ATXN1: variants seen among roughly 807,000 people sequenced by gnomAD.
The protein encoded by ATXN1 is ataxin-1.
ATXN1 carries 8 observed loss-of-function variants against 56.4 expected under a neutral mutation model. That is an observed-to-expected ratio of 0.14 (90% CI 0.08 to 0.26). The LOEUF is 0.26. Ranked by LOEUF, ATXN1 falls within the 10% of genes least tolerant of loss-of-function variation. The pLI is 1.00. For synonymous variants in ATXN1, 514 were observed against 494.6 expected (o/e 1.04, Z -0.52); for missense variants, 987 against 1,106.5 (o/e 0.89, Z 1.53).
intron 2 of ATXN1, among the ~76,000 whole-genome samples, chr6:16,745,483 TAA>T (rs768606645): frequency 5.2e-4 from 79 of 152,144 alleles, no homozygotes; most frequent in Admixed American, 3.7e-3. Flanking sequence ...AAAAAAGATA[TAA>T]GTTACATCAT....
chr6:16,523,537 C>T (rs1490736627), intron 4 of ATXN1, among the ~76,000 whole-genome samples: 4 of 152,128 alleles, frequency 2.6e-5, no homozygotes, highest in African/African-American at 7.2e-5. Context: ...TCTTTATTTG[C>T]GGAGATGGAG....
At chr6:16,512,118 T>A (rs1194817780) in intron 5 of ATXN1, among the ~76,000 whole-genome samples, 1 of 152,204 alleles carries the variant, frequency 6.6e-6, no homozygotes, top group Non-Finnish European at 1.5e-5. Context: ...CCCGCCTCCA[T>A]TCAGCGTCAG....
intron 5 of ATXN1, among the ~76,000 whole-genome samples, chr6:16,516,432 A>C (rs536926867): frequency 5.3e-5 from 8 of 152,324 alleles, no homozygotes; most frequent in Non-Finnish European, 1.0e-4. Context: ...TTCTAGGCCA[A>C]AGCTTTGAAG....
chr6:16,591,279 G>T (rs138869364), intron 3 of ATXN1, among the ~76,000 whole-genome samples: 234 of 152,194 alleles, frequency 1.5e-3, no homozygotes, highest in Non-Finnish European at 2.7e-3. Context: ...TTTACCATGA[G>T]ACTATTAAAC....
intron 5 of ATXN1, among the ~76,000 whole-genome samples, chr6:16,499,786 C>T (rs1312840122): frequency 6.6e-6 from 1 of 152,150 alleles, no homozygotes; most frequent in Admixed American, 6.5e-5. Context: ...AAAAAGAATA[C>T]AGTGTAGGTT....
chr6:16,736,198 T>A (rs1005967289), intron 2 of ATXN1, among the ~76,000 whole-genome samples: 1 of 152,246 alleles, frequency 6.6e-6, no homozygotes, highest in Non-Finnish European at 1.5e-5. Context: ...AGCTTTGATT[T>A]CAGTGTTTAA....
intron 6 of ATXN1, among the ~76,000 whole-genome samples, chr6:16,452,897 G>A (rs982595834): frequency 6.6e-6 from 1 of 152,212 alleles, no homozygotes; most frequent in Admixed American, 6.5e-5. Flanking sequence ...TCTGATGAAA[G>A]TTTAGCGTAA....
intron 6 of ATXN1, among the ~76,000 whole-genome samples, chr6:16,445,258 G>A (rs1443583789): frequency 6.6e-6 from 1 of 152,158 alleles, no homozygotes; most frequent in Non-Finnish European, 1.5e-5. Context: ...TGATGATGTT[G>A]TAGTTGTGTA....
chr6:16,732,186 T>C (rs1033341114), intron 2 of ATXN1, among the ~76,000 whole-genome samples: 1 of 152,158 alleles, frequency 6.6e-6, no homozygotes, highest in Non-Finnish European at 1.5e-5. Context: ...AAAGATGAGA[T>C]AGAACATAAA....
At chr6:16,620,236 TTC>T (rs67943406) in intron 3 of ATXN1, among the ~76,000 whole-genome samples, 29,257 of 145,792 alleles carry the variant, frequency 0.2, 3,280 homozygotes, top group African/African-American at 0.29. Context: ...CACATACATA[TTC>T]TCTCTCTCTC....
chr6:16,500,758 AAAC>A (rs1306974460), intron 5 of ATXN1, among the ~76,000 whole-genome samples: 452 of 151,452 alleles, frequency 3.0e-3, no homozygotes, highest in South Asian at 0.017. Flanking sequence ...AAAAAAAAAA[AAAC>A]ATTGAGGAAA....
chr6:16,386,703 A>G (rs912244417), intron 6 of ATXN1, among the ~76,000 whole-genome samples: 3 of 152,224 alleles, frequency 2.0e-5, no homozygotes, highest in African/African-American at 7.2e-5. Flanking sequence ...TAACAAAAAT[A>G]AAAGAAATGA....
At chr6:16,374,721 C>G (rs1000253806) in intron 6 of ATXN1, among the ~76,000 whole-genome samples, 1 of 152,136 alleles carries the variant, frequency 6.6e-6, no homozygotes, top group East Asian at 1.9e-4. Context: ...TGATATAGAG[C>G]GAAGCTGGGG....
intron 4 of ATXN1, among the ~76,000 whole-genome samples, chr6:16,574,202 T>TTATG (rs1298905717): frequency 6.6e-6 from 1 of 150,790 alleles, no homozygotes; most frequent in Non-Finnish European, 1.5e-5. Flanking sequence ...AATTTTTGTA[T>TTATG]TATTTATTTA....
Position 16,327,357 on chromosome 6 carries a change from G to A in ATXN1, c.954C>T (p.Ile318=), listed in dbSNP as rs1470416013. ...KAESSRLQQA[I]QAKEVLNGEM... ...CACCGTTCAGGACCTCCTTGGCCTG[G>A]ATGGCCTGCTGCAGCCGGCTGCTCT... The change falls in exon 7 of 8, where the codon ATC becomes ATT. Residue 318 remains isoleucine, a synonymous_variant. Coordinates refer to ENST00000436367, the MANE Select transcript of ATXN1 (RefSeq NM_001128164.2). The A allele has an allele frequency of 6.2e-7, 1 of 1,613,486 alleles. No homozygotes were observed. Among genetic ancestry groups the A allele is most frequent in the South Asian group, 1.1e-5 (1 of 91,082 alleles).
chr6:16,683,719 C>T (rs1227988617), intron 2 of ATXN1, among the ~76,000 whole-genome samples: 1 of 152,230 alleles, frequency 6.6e-6, no homozygotes, highest in Non-Finnish European at 1.5e-5. Context: ...TACAAACATG[C>T]TTGGCAACTA....
At chr6:16,639,215 C>G (rs983193014) in intron 3 of ATXN1, among the ~76,000 whole-genome samples, 21 of 152,324 alleles carry the variant, frequency 1.4e-4, no homozygotes, top group African/African-American at 4.3e-4. Flanking sequence ...TCCCCTTCCA[C>G]GCTGTGGAAG....
At position 16,306,587 on chromosome 6, in the gene ATXN1, G is replaced by A. The variant is rs1581678034; in HGVS notation, c.2190C>T (p.Ile730=). ...RHRYAEQENG[I]NQGSAQMLSE... ...AGAGCATCTGGGCACTCCCCTGGTTGATTCCGTTTTCCTGCTCGGCATACC... is the reference window on the plus strand; with the variant it reads ...AGAGCATCTGGGCACTCCCCTGGTTAATTCCGTTTTCCTGCTCGGCATACC... Residue 730 remains isoleucine, a synonymous_variant, in exon 8 of 8, where the codon ATC becomes ATT. Transcript: ENST00000436367. This position sits in a 1 kb window ranked among gnomAD's most constrained non-coding sequence, Gnocchi z 5.2. 4.3e-6 allele frequency: 7 copies of A among 1,614,216 alleles called. No homozygotes were observed. The highest frequency in any genetic ancestry group is 5.9e-6 in the Non-Finnish European group (7 of 1,180,038).
chr6:16,585,117 T>C (rs562380847), intron 4 of ATXN1, among the ~76,000 whole-genome samples: 2 of 151,030 alleles, frequency 1.3e-5, no homozygotes, highest in East Asian at 3.9e-4. Context: ...GATGTGCACC[T>C]GTAGTCCCAG....
Sources: allele counts gnomAD v4.1 joint callset (sites outside exome capture counted in the v4.1 genomes callset), GRCh38; gene constraint gnomAD v4.1.1; non-coding constraint Gnocchi (gnomAD v3.1); transcripts MANE v1.5; gene names NCBI Gene and HGNC (gene_info 2026-07-23, HGNC 2026-07-21).